PDE2A: variants seen among roughly 807,000 people sequenced by gnomAD.
PDE2A encodes cGMP-dependent 3',5'-cyclic phosphodiesterase.
In PDE2A, 53 loss-of-function variants were observed where a neutral mutation model predicts 133.6. That is an observed-to-expected ratio of 0.40 (90% confidence interval 0.32 to 0.50). PDE2A has a LOEUF of 0.50. PDE2A is among the 20% of genes least tolerant of loss of function. The pLI is 0.73. For missense variants in PDE2A, 796 were observed against 1,232.4 expected (o/e 0.65, Z 5.30); for synonymous variants, 491 against 490.2 (o/e 1.00, Z -0.02).
intron 2 of PDE2A, among the ~76,000 whole-genome samples, chr11:72,609,483 A>C (rs796189173): frequency 2.6e-5 from 4 of 152,306 alleles, no homozygotes; most frequent in African/African-American, 9.6e-5. Context: ...GTGGGAGAAC[A>C]GCTGGGCCAC....
intron 2 of PDE2A, among the ~76,000 whole-genome samples, chr11:72,625,171 C>G (rs78923661): frequency 1.3e-4 from 20 of 152,210 alleles, no homozygotes; most frequent in Non-Finnish European, 2.2e-4. Flanking sequence ...CAGCAGGAAC[C>G]CTGGGCCCTC....
chr11:72,601,541 A>C (rs1445534684), intron 4 of PDE2A, among the ~76,000 whole-genome samples: 5 of 152,058 alleles, frequency 3.3e-5, no homozygotes, highest in African/African-American at 1.2e-4. Context: ...GGGGACCCCA[A>C]AATGGTAGCA....
Position 72,613,086 on chromosome 11 carries a change from T to C in PDE2A, c.145-4335A>G, listed in dbSNP as rs191804993. 3.3e-3 allele frequency among the ~76,000 whole-genome samples: 500 copies of C among 152,290 alleles called. 2 individuals carry two copies. Among genetic ancestry groups the C allele is most frequent in the African/African-American group, 0.011 (469 of 41,554 alleles). ...CAAGACCAACGCCCTTCCTGAGGGTTGGGGTCGCTGCCATAAGATCTTTCC... is the reference window on the plus strand; with the variant it reads ...CAAGACCAACGCCCTTCCTGAGGGTCGGGGTCGCTGCCATAAGATCTTTCC... On this transcript the variant is annotated intron_variant, in intron 2 of 30. Coordinates refer to ENST00000334456, the MANE Select transcript of PDE2A (RefSeq NM_002599.5).
chr11:72,605,309 G>T (rs1269411939), intron 3 of PDE2A, 83 bp from the exon 4 acceptor site: 1 of 658,680 alleles, frequency 1.5e-6, no homozygotes, highest in South Asian at 3.0e-5. Context: ...GGTCTGTGGG[G>T]CAAGGTCATG....
chr11:72,636,463 G>A (rs942295927), intron 2 of PDE2A, among the ~76,000 whole-genome samples: 4 of 152,144 alleles, frequency 2.6e-5, no homozygotes, highest in African/African-American at 7.2e-5. Flanking sequence ...TTACAGGTGA[G>A]GCTGTAGCAG....
intron 1 of PDE2A, 84 bp from the exon 2 acceptor site, chr11:72,642,410 C>T: frequency 7.9e-7 from 1 of 1,272,006 alleles, no homozygotes; most frequent in Non-Finnish European, 1.0e-6. Flanking sequence ...CCGGCCCGGC[C>T]GCTGCGCTCG....
chr11:72,584,837 C>T (rs2271524), intron 17 of PDE2A, 35 bp downstream of exon 17: 12 of 1,611,066 alleles, frequency 7.4e-6, no homozygotes, highest in Non-Finnish European at 1.0e-5. Context: ...TCCCGGACAC[C>T]CCTAGGGCCA....
chr11:72,640,633 A>T (rs962778627), intron 2 of PDE2A, among the ~76,000 whole-genome samples: 1 of 152,116 alleles, frequency 6.6e-6, no homozygotes, highest in Admixed American at 6.6e-5. Flanking sequence ...CTGCAAACAC[A>T]TTGGCACACA....
chr11:72,585,077 C>A (rs1472753181), intron 16 of PDE2A, 133 bp from the exon 17 acceptor site: 10 of 831,392 alleles, frequency 1.2e-5, no homozygotes, highest in Middle Eastern at 2.7e-4. Context: ...CTGCTCAGGG[C>A]TGGCTGGCTC....
intron 2 of PDE2A, among the ~76,000 whole-genome samples, chr11:72,611,323 A>G (rs1303306141): frequency 6.6e-6 from 1 of 152,228 alleles, no homozygotes; most frequent in African/African-American, 2.4e-5. Context: ...AGCCAGGTCC[A>G]GAACCCAAAC....
intron 1 of PDE2A, among the ~76,000 whole-genome samples, chr11:72,665,380 C>A (rs1317042934): frequency 6.6e-6 from 1 of 151,954 alleles, no homozygotes; most frequent in African/African-American, 2.4e-5. Flanking sequence ...ATCCCACCCC[C>A]ACTCCACCCC....
rs1855556069 is a variant in PDE2A, at chr11:72,578,292, C to T, written c.2556G>A (p.Lys852=). Residue 852 remains lysine (K), a synonymous_variant, in exon 30 of 31, where the codon AAG becomes AAA. Transcript: ENST00000334456. The surrounding 1 kb of genome is among the most constrained non-coding windows in gnomAD (Gnocchi z 4.2). Reference sequence around the variant, plus strand: ...TGATTTGCAGCTCAGGGATATAGGCCTTCTCCCGGTCCATCATCTCCATCG... The same window carrying T: ...TGATTTGCAGCTCAGGGATATAGGCTTTCTCCCGGTCCATCATCTCCATCG... ...NRPMEMMDRE[K]AYIPELQISF... 2.6e-5 allele frequency: 42 copies of T among 1,614,024 alleles called. No individual in the cohort carries two copies. Among genetic ancestry groups the T allele is most frequent in the Non-Finnish European group, 3.5e-5 (41 of 1,179,970 alleles).
chr11:72,632,239 C>T lies in PDE2A; in HGVS notation c.144+10015G>A, dbSNP rs531124621. ...AATCTCTGGCTCTCCTTGGGTTGAC[C>T]GTAGGGGTGACAGGAGCTGCACCTG... On this transcript the variant is annotated intron_variant, in intron 2 of 30. Transcript: ENST00000334456. Among the ~76,000 whole-genome samples, 41 of 152,272 alleles carry T rather than the reference C, an allele frequency of 2.7e-4. 1 individual carries two copies. Among genetic ancestry groups the T allele is most frequent in the African/African-American group, 8.9e-4 (37 of 41,556 alleles).
intron 2 of PDE2A, among the ~76,000 whole-genome samples, chr11:72,635,121 G>A (rs1192684051): frequency 2.0e-5 from 3 of 152,186 alleles, no homozygotes; most frequent in Non-Finnish European, 2.9e-5. Flanking sequence ...AGGAATAGAG[G>A]CCAGTGCTGA....
At chr11:72,606,265 G>T (rs182454079) in intron 3 of PDE2A, among the ~76,000 whole-genome samples, 1 of 152,042 alleles carries the variant, frequency 6.6e-6, no homozygotes, top group Non-Finnish European at 1.5e-5. Flanking sequence ...TGTTTTCTCC[G>T]CAGGAGGATG....
intron 2 of PDE2A, among the ~76,000 whole-genome samples, chr11:72,609,336 C>A (rs532409707): frequency 2.0e-5 from 3 of 152,368 alleles, no homozygotes; most frequent in African/African-American, 4.8e-5. Context: ...AGAGTAGATG[C>A]TCAGCTGAAT....
rs187662417 is a variant in PDE2A at position 72,597,330 on chromosome 11, C to A, written c.433+180G>T. Among the ~76,000 whole-genome samples, 115 of 152,260 alleles carry A rather than the reference C, an allele frequency of 7.6e-4. No homozygotes were observed. Among genetic ancestry groups the A allele is most frequent in the African/African-American group, 2.7e-3 (112 of 41,520 alleles). ...CCATTTTATAGTCAGGAAGTTGAGGCTCAGAGAATTTAGTAGTACAATAGA... is the reference window on the plus strand; with the variant it reads ...CCATTTTATAGTCAGGAAGTTGAGGATCAGAGAATTTAGTAGTACAATAGA... On this transcript the variant is annotated intron_variant, in intron 5 of 30. Transcript: ENST00000334456. The surrounding 1 kb of genome is among the most constrained non-coding windows in gnomAD (Gnocchi z 4.6).
intron 1 of PDE2A, among the ~76,000 whole-genome samples, chr11:72,659,055 G>A (rs190488532): frequency 9.2e-5 from 14 of 152,060 alleles, no homozygotes; most frequent in Admixed American, 7.2e-4. Context: ...CATGCAGGTG[G>A]ATGTTATTGT....
At chr11:72,662,044 G>C (rs548837008) in intron 1 of PDE2A, among the ~76,000 whole-genome samples, 12 of 152,284 alleles carry the variant, frequency 7.9e-5, no homozygotes, top group African/African-American at 2.9e-4. Flanking sequence ...GTATATTTAT[G>C]TTGGTGTTCA....
Sources: gnomAD v4.1 joint callset for allele counts (sites outside exome capture counted in the v4.1 genomes callset) on GRCh38, gnomAD v4.1.1 for gene constraint, Gnocchi (gnomAD v3.1) non-coding constraint, MANE v1.5 for transcripts, NCBI Gene and HGNC (gene_info 2026-07-23, HGNC 2026-07-21) for gene names.